Variants in CNTN4 observed in about 807,000 individuals in gnomAD.
The protein encoded by CNTN4 is contactin-4.
In CNTN4, 77 loss-of-function variants were observed where a neutral mutation model predicts 122.5. That is an observed-to-expected ratio of 0.63 (90% CI 0.52 to 0.76). CNTN4 has a LOEUF of 0.76. CNTN4 is among the 30% of genes least tolerant of loss of function. CNTN4 has a pLI of 0.00. For missense variants in CNTN4, 1,256 were observed against 1,259.1 expected (o/e 1.00, Z 0.04); for synonymous variants, 512 against 447.0 (o/e 1.15, Z -1.83).
At chr3:2,234,731 T>G (rs1009600621) in intron 2 of CNTN4, among the ~76,000 whole-genome samples, 2 of 152,210 alleles carry the variant, frequency 1.3e-5, no homozygotes, top group Non-Finnish European at 2.9e-5. Flanking sequence ...GCTTGATCAT[T>G]TTATGAGTGT....
intron 13 of CNTN4, among the ~76,000 whole-genome samples, chr3:2,940,792 TGA>T (rs1230092014): frequency 6.6e-6 from 1 of 152,158 alleles, no homozygotes; most frequent in Non-Finnish European, 1.5e-5. Flanking sequence ...CTCAATAATA[TGA>T]GAGTCAAGGT....
Position 2,632,061 on chromosome 3 carries a change from T to TATGC in CNTN4, c.55+60504_55+60505insTGCA, listed in dbSNP as rs1278128080. On this transcript the variant is annotated intron_variant, in intron 4 of 24. Coordinates refer to ENST00000418658, the MANE Select transcript of CNTN4 (RefSeq NM_175607.3). Reference sequence around the variant, plus strand: ...GCAAGACCCTGTCTCAAAATACACATACGCACACACACACACACACACACG... The same window carrying TATGC: ...GCAAGACCCTGTCTCAAAATACACATATGCACGCACACACACACACACACACACG... 1.2e-4 allele frequency among the ~76,000 whole-genome samples: 10 copies of TATGC among 83,568 alleles called. No individual in the cohort carries two copies. The East Asian group carries it at 2.8e-3, about 23-fold the overall frequency. 54.8% of individuals were successfully genotyped at this position (83,568 alleles called of 152,430 possible).
chr3:2,995,587 C>T (rs1368232017), intron 14 of CNTN4, among the ~76,000 whole-genome samples: 11 of 152,152 alleles, frequency 7.2e-5, no homozygotes, highest in African/African-American at 1.4e-4. Context: ...AGACAGGCCT[C>T]GTATTTTTGC....
chr3:2,907,724 A>G (rs931132594), intron 12 of CNTN4, among the ~76,000 whole-genome samples: 4 of 152,100 alleles, frequency 2.6e-5, no homozygotes, highest in African/African-American at 9.7e-5. Flanking sequence ...TGAATAAGAG[A>G]TGGTTAGGAA....
intron 3 of CNTN4, among the ~76,000 whole-genome samples, chr3:2,351,198 G>C (rs547714434): frequency 6.6e-6 from 1 of 152,286 alleles, no homozygotes; most frequent in East Asian, 1.9e-4. Flanking sequence ...TACAACTTCT[G>C]CCATGAATGT....
At chr3:2,384,068 C>G (rs143363629) in intron 3 of CNTN4, among the ~76,000 whole-genome samples, 11 of 152,172 alleles carry the variant, frequency 7.2e-5, no homozygotes, top group African/African-American at 2.7e-4. Flanking sequence ...GGCTTTTCTG[C>G]TGGGAGAATA....
chr3:2,835,468 C>T (rs1247900842), intron 7 of CNTN4, among the ~76,000 whole-genome samples: 1 of 152,114 alleles, frequency 6.6e-6, no homozygotes, highest in African/African-American at 2.4e-5. Context: ...TCTTTAAGCA[C>T]TTCCATAAAT....
At chr3:2,639,394 T>C (rs920607704) in intron 4 of CNTN4, among the ~76,000 whole-genome samples, 2 of 152,146 alleles carry the variant, frequency 1.3e-5, no homozygotes, top group Non-Finnish European at 2.9e-5. Context: ...CCCAACTCCA[T>C]CTCTTCCTCA....
At chr3:2,244,589 C>T (rs531644612) in intron 2 of CNTN4, among the ~76,000 whole-genome samples, 2 of 152,060 alleles carry the variant, frequency 1.3e-5, no homozygotes, top group Non-Finnish European at 2.9e-5. Context: ...TATTATTAAA[C>T]TTAATTTTAT....
intron 4 of CNTN4, among the ~76,000 whole-genome samples, chr3:2,652,488 C>G (rs2083406646): frequency 6.6e-6 from 1 of 152,156 alleles, no homozygotes; most frequent in African/African-American, 2.4e-5. Context: ...TGCTGTGCAG[C>G]TGCTGTGGGG....
intron 6 of CNTN4, among the ~76,000 whole-genome samples, chr3:2,818,476 G>A (rs1044193569): frequency 6.6e-6 from 1 of 152,084 alleles, no homozygotes. Context: ...ACAGCCAGAT[G>A]GTTTGCAACC....
chr3:2,650,067 AT>A (rs907734190), intron 4 of CNTN4, among the ~76,000 whole-genome samples: 2 of 143,158 alleles, frequency 1.4e-5, no homozygotes, highest in Admixed American at 7.4e-5. Flanking sequence ...TAAAATATGT[AT>A]TTTTATAAAT....
intron 2 of CNTN4, among the ~76,000 whole-genome samples, chr3:2,171,714 G>C (rs1364945553): frequency 2.0e-5 from 3 of 152,158 alleles, no homozygotes; most frequent in African/African-American, 7.2e-5. Context: ...TCATAGTTAT[G>C]AGGGAAACAT....
chr3:3,005,531 G>A (rs1043626204), intron 14 of CNTN4, among the ~76,000 whole-genome samples: 11 of 152,170 alleles, frequency 7.2e-5, no homozygotes, highest in African/African-American at 2.2e-4. Context: ...AAGGATCCCC[G>A]TTTCCGCAGC....
intron 2 of CNTN4, among the ~76,000 whole-genome samples, chr3:2,336,049 C>T (rs1052438469): frequency 6.6e-6 from 1 of 151,976 alleles, no homozygotes; most frequent in African/African-American, 2.4e-5. Flanking sequence ...TGGGGTAAGC[C>T]GAACAGTGAT....
chr3:2,445,750 G>A (rs1488868374), intron 3 of CNTN4, among the ~76,000 whole-genome samples: 1 of 151,990 alleles, frequency 6.6e-6, no homozygotes, highest in Non-Finnish European at 1.5e-5. Context: ...CCTAAAGTTA[G>A]CACCTTTTTC....
In CNTN4 at chr3:3,036,477, T is replaced by C. The variant is rs942834182; in HGVS notation, c.1943-702T>C. ...ACAATAAGAATTGTTTAAGAATGAA[T>C]ATAGGCCAGGCGCAGTGGCTCACAA... is the stretch of plus-strand genomic sequence containing the variant. On this transcript the variant is annotated intron_variant, in intron 17 of 24. Transcript: ENST00000418658. 5.9e-5 allele frequency among the ~76,000 whole-genome samples: 9 copies of C among 152,076 alleles called. No individual in the cohort carries two copies. The East Asian group carries it at 1.5e-3, about 26-fold the overall frequency.
At chr3:2,346,531 ACT>A (rs1274136358) in intron 3 of CNTN4, among the ~76,000 whole-genome samples, 4 of 151,836 alleles carry the variant, frequency 2.6e-5, no homozygotes, top group Non-Finnish European at 2.9e-5. Context: ...TTAATGGTAA[ACT>A]CTCTAATTTT....
intron 20 of CNTN4, among the ~76,000 whole-genome samples, chr3:3,041,682 G>C (rs6771468): frequency 1.3e-5 from 2 of 152,070 alleles, no homozygotes; most frequent in Non-Finnish European, 1.5e-5. Flanking sequence ...AATTTAGTGG[G>C]CAAGCACAGT....
Sources: gnomAD v4.1 joint callset for allele counts (sites outside exome capture counted in the v4.1 genomes callset) on GRCh38, gnomAD v4.1.1 for gene constraint, MANE v1.5 for transcripts, NCBI Gene and HGNC (gene_info 2026-07-23, HGNC 2026-07-21) for gene names.